Variants in RELN observed in about 807,000 individuals in gnomAD.
The protein encoded by RELN is reelin.
Under a neutral mutation model 427.6 loss-of-function variants are expected in RELN, and 108 were observed. The ratio of observed to expected loss-of-function variants is 0.25; its 90% CI spans 0.22 to 0.30. RELN has a LOEUF of 0.30. RELN is among the 10% of genes least tolerant of loss of function. The pLI is 1.00. For synonymous variants in RELN, 1,524 were observed against 1,513.4 expected (o/e 1.01, Z -0.16); for missense variants, 3,715 against 4,302.8 (o/e 0.86, Z 3.82).
intron 1 of RELN, among the ~76,000 whole-genome samples, chr7:103,975,016 T>C (rs1796842052): frequency 2.0e-5 from 3 of 152,252 alleles, no homozygotes; most frequent in Non-Finnish European, 4.4e-5. Context: ...CAGACTGCTA[T>C]AAATAGCTTT....
In RELN at chr7:103,542,792, A is replaced by C; in HGVS notation, c.6610T>G (p.Phe2204Val). 1 of 1,614,176 alleles carries C rather than the reference A, an allele frequency of 6.2e-7. No individual in the cohort carries two copies. Among genetic ancestry groups the C allele is most frequent in the Admixed American group, 1.7e-5 (1 of 60,028 alleles). The change falls in exon 43 of 65, where the codon TTT becomes GTT. Residue 2204 changes from phenylalanine (F) to valine (V), a missense_variant. Around this residue, in one of 4 missense-constraint regions of RELN, gnomAD observed 1,310 missense variants for 1,643.0 expected, o/e 0.80. Transcript: ENST00000428762. Reference protein sequence around the residue: ...CGILSSGNNLFFNEDGLRMLM... With the variant: ...CGILSSGNNLVFNEDGLRMLM... The stretch of plus-strand genomic sequence containing the variant: ...ATGCGCAAGCCATCTTCATTGAAAA[A>C]GAGGTTGTTTCCACTAGAAAGGATT...
At chr7:103,752,440 T>C (rs1011454889) in intron 5 of RELN, among the ~76,000 whole-genome samples, 2 of 152,204 alleles carry the variant, frequency 1.3e-5, no homozygotes, top group Non-Finnish European at 2.9e-5. Context: ...AACAGGATCT[T>C]GCTCTGCTGC....
At chr7:103,772,574 A>G (rs1305456225) in intron 4 of RELN, among the ~76,000 whole-genome samples, 1 of 152,162 alleles carries the variant, frequency 6.6e-6, no homozygotes, top group Admixed American at 6.5e-5. Context: ...GACCAGCCTG[A>G]GGGGAAGAGG....
intron 2 of RELN, 99 bp downstream of exon 2, chr7:103,916,976 G>T: frequency 2.2e-6 from 2 of 908,530 alleles, no homozygotes; most frequent in Non-Finnish European, 1.8e-6. Context: ...TTTCTTGGAA[G>T]TAATAAAGGT....
At chr7:103,498,584 C>A (rs2711886) in intron 53 of RELN, among the ~76,000 whole-genome samples, 2 of 152,114 alleles carry the variant, frequency 1.3e-5, no homozygotes, top group East Asian at 3.9e-4. Flanking sequence ...CTCTGCCTCC[C>A]GGGTTCAAGC....
At chr7:103,510,764 T>C in intron 51 of RELN, 87 bp downstream of exon 51, 1 of 1,113,928 alleles carries the variant, frequency 9.0e-7, no homozygotes. Context: ...ACTAAGTCAA[T>C]GAAATATTAG....
At chr7:103,773,401 GTC>G (rs1187643108) in intron 4 of RELN, among the ~76,000 whole-genome samples, 2 of 8,444 alleles carry the variant, frequency 2.4e-4, no homozygotes, top group East Asian at 4.4e-3. Context: ...CTCCCTCCCT[GTC>G]TCTCTCTCTC....
chr7:103,781,731 G>T (rs1791895246), intron 3 of RELN, among the ~76,000 whole-genome samples: 1 of 151,700 alleles, frequency 6.6e-6, no homozygotes, highest in Non-Finnish European at 1.5e-5. Flanking sequence ...AACTTTTTTA[G>T]ATTCCACCAA....
intron 4 of RELN, among the ~76,000 whole-genome samples, chr7:103,754,638 T>C (rs539559122): frequency 6.6e-6 from 1 of 152,110 alleles, no homozygotes; most frequent in African/African-American, 2.4e-5. Flanking sequence ...TAGCTGGGCA[T>C]GGTGGTGCAC....
At chr7:103,876,447 T>A (rs1238360573) in intron 2 of RELN, among the ~76,000 whole-genome samples, 2 of 152,168 alleles carry the variant, frequency 1.3e-5, no homozygotes, top group African/African-American at 2.4e-5. Flanking sequence ...AAAGTATTTA[T>A]TGGTCTATGC....
chr7:103,690,211 T>C (rs1833844712), intron 10 of RELN, among the ~76,000 whole-genome samples: 1 of 152,154 alleles, frequency 6.6e-6, no homozygotes, highest in Non-Finnish European at 1.5e-5. Context: ...CAAGTATCAT[T>C]CCTGAATATG....
At chr7:103,862,414 TCTATCTATCTA>T (rs1794092642) in intron 2 of RELN, among the ~76,000 whole-genome samples, 1 of 62,732 alleles carries the variant, frequency 1.6e-5, no homozygotes, top group African/African-American at 4.5e-5. Context: ...TTTTGTTCTA[TCTATCTATCTA>T]TCTATCTATC....
At chr7:103,925,038 A>G (rs993535924) in intron 1 of RELN, among the ~76,000 whole-genome samples, 19 of 145,594 alleles carry the variant, frequency 1.3e-4, no homozygotes, top group Non-Finnish European at 2.3e-4. Flanking sequence ...ACACACACAC[A>G]CGCTCACTCA....
intron 27 of RELN, 149 bp from the exon 28 acceptor site, chr7:103,589,977 C>G (rs1430551655): frequency 3.0e-6 from 2 of 664,134 alleles, no homozygotes; most frequent in African/African-American, 1.8e-5. Context: ...CAACCAAGAC[C>G]CTTCAATAGA....
At chr7:103,782,178 A>T (rs559531053) in intron 3 of RELN, among the ~76,000 whole-genome samples, 1 of 152,154 alleles carries the variant, frequency 6.6e-6, no homozygotes, top group Non-Finnish European at 1.5e-5. Context: ...GTTCATTATG[A>T]TCATCATATT....
intron 4 of RELN, among the ~76,000 whole-genome samples, chr7:103,770,649 T>TAAA (rs1157962441): frequency 9.4e-6 from 1 of 106,202 alleles, no homozygotes; most frequent in East Asian, 2.4e-4. Flanking sequence ...TTATTTTTTT[T>TAAA]AAAAATTTTT....
chr7:103,812,054 C>T (rs1433412862), intron 3 of RELN, among the ~76,000 whole-genome samples: 1 of 152,186 alleles, frequency 6.6e-6, no homozygotes, highest in Non-Finnish European at 1.5e-5. Context: ...ATAGCTGTGG[C>T]CACAGCCACT....
intron 4 of RELN, among the ~76,000 whole-genome samples, chr7:103,763,055 G>A (rs1791341955): frequency 1.3e-5 from 2 of 152,160 alleles, no homozygotes; most frequent in African/African-American, 2.4e-5. Flanking sequence ...GACAGTTATT[G>A]CAGGTACACA....
chr7:103,801,652 C>A (rs1227051966), intron 3 of RELN, among the ~76,000 whole-genome samples: 1 of 151,726 alleles, frequency 6.6e-6, no homozygotes, highest in East Asian at 1.9e-4. Context: ...ATGGATGCAG[C>A]GGGCCAGCAT....
Sources: gnomAD v4.1 joint callset for allele counts (sites outside exome capture counted in the v4.1 genomes callset) on GRCh38, gnomAD v4.1.1 for gene constraint, gnomAD v4.1.1 regional missense constraint, MANE v1.5 for transcripts, NCBI Gene and HGNC (gene_info 2026-07-23, HGNC 2026-07-21) for gene names.